Variants in DLK1 observed in about 807,000 individuals in gnomAD.
DLK1 encodes the protein delta like non-canonical Notch ligand 1.
DLK1 carries 9 observed loss-of-function variants against 35.2 expected under a neutral mutation model. The ratio of observed to expected loss-of-function variants is 0.26; its 90% CI spans 0.15 to 0.45. The LOEUF (loss-of-function observed/expected upper bound fraction) is 0.45, where lower values mean the gene tolerates loss of function less well. DLK1 is among the 20% of genes least tolerant of loss of function. DLK1 has a pLI of 1.00. For missense variants in DLK1, 522 were observed against 528.5 expected (o/e 0.99, Z 0.12); for synonymous variants, 231 against 228.4 (o/e 1.01, Z -0.10).
At position 100,735,052 on chromosome 14, in the gene DLK1, C is replaced by A; in HGVS notation, c.*156C>A. ...TCTTTGTGCTGCTGTGTGACAAACG[C>A]AATGCAAAAACAATCCTCTTTCTCT... is the stretch of plus-strand genomic sequence containing the variant. On this transcript the variant is annotated 3_prime_UTR_variant, in exon 5 of 5. Coordinates refer to ENST00000341267, the MANE Select transcript of DLK1 (RefSeq NM_003836.7). 2 of 952,728 alleles carry A rather than the reference C, an allele frequency of 2.1e-6. No individual in the cohort carries two copies. The highest frequency in any genetic ancestry group is 2.5e-5 in the South Asian group (1 of 39,724). The allele number at this position is 952,728 out of a possible 1,614,324, so 59.0% of individuals were successfully genotyped here.
rs1355523402 is a variant in DLK1, at chr14:100,737,243, CCATCT to C, written c.*2356_*2360del. The C allele has an allele frequency of 2.7e-5, 4 of 147,020 alleles. No individual in the cohort carries two copies. The highest frequency in any genetic ancestry group is 6.0e-5 in the Non-Finnish European group (4 of 67,092). The allele number at this position is 147,020 out of a possible 1,614,324, so 9.1% of individuals were successfully genotyped here. A position where few individuals can be genotyped will look rare whatever the true frequency, so the allele number is the denominator to read the frequency against. On this transcript the variant is annotated 3_prime_UTR_variant, in exon 5 of 5. Transcript: ENST00000341267. ...TCCCCACGAAGTCATTCATAAGTCA[CCATCT>C]CATCTCATTTTGAGTTTGTTTTAAG... is the stretch of plus-strand genomic sequence containing the variant.
chr14:100,735,200 G>A lies in DLK1; in HGVS notation c.*304G>A, dbSNP rs2036558460. 1 of 269,118 alleles carries A rather than the reference G, an allele frequency of 3.7e-6. No individual in the cohort carries two copies. The highest frequency in any genetic ancestry group is 6.8e-6 in the Non-Finnish European group (1 of 147,568). The allele number at this position is 269,118 out of a possible 1,614,324, so 16.7% of individuals were successfully genotyped here. On this transcript the variant is annotated 3_prime_UTR_variant, in exon 5 of 5. Transcript: ENST00000341267. Reference sequence around the variant, plus strand: ...TCAAAAAAGACCAAAAAAAAACAAGGCAACAGAACCAGGGCTCAGTGCCGA... The same window carrying A: ...TCAAAAAAGACCAAAAAAAAACAAGACAACAGAACCAGGGCTCAGTGCCGA...
chr14:100,732,183 G>A lies in DLK1; in HGVS notation c.404G>A (p.Gly135Asp). ...AAGGACGGGCCCTGTGTGATCAACG[G>A]GTAAATATCCTTCCTGTGTGTGATC... ...QKKDGPCVIN[G>D]SPCQHGGTCV... The change falls in exon 4 of 5, where the codon GGC becomes GAC. Residue 135 changes from glycine (G) to aspartate (D), a missense_variant and splice_region_variant. Physicochemically the swap from Gly to Asp is moderately conservative, Grantham distance 94. Coordinates refer to ENST00000341267, the MANE Select transcript of DLK1 (RefSeq NM_003836.7). The A allele has an allele frequency of 6.2e-7, 1 of 1,612,310 alleles. No homozygotes were observed. The highest frequency in any genetic ancestry group is 1.1e-5 in the South Asian group (1 of 90,742).
intron 4 of DLK1, among the ~76,000 whole-genome samples, chr14:100,733,170 A>G (rs1432798798): frequency 6.6e-6 from 1 of 152,182 alleles, no homozygotes; most frequent in Non-Finnish European, 1.5e-5. Flanking sequence ...AAACAGAGCG[A>G]GACCTTTAAA....
At position 100,733,493 on chromosome 14, in the gene DLK1, C is replaced by T. The variant is rs920062171; in HGVS notation, c.405-656C>T. ...TGGTACAGACGCTGGCTTGTGCCAC[C>T]GTAGACAGACCTCGTATTGCTTTCT... On this transcript the variant is annotated intron_variant, in intron 4 of 4. Transcript: ENST00000341267. Among the ~76,000 whole-genome samples the T allele has an allele frequency of 5.3e-5, 8 of 152,130 alleles. No individual in the cohort carries two copies. The East Asian group carries it at 5.8e-4, about 11-fold the overall frequency.
Position 100,734,312 on chromosome 14 carries a change from G to A in DLK1, c.568G>A (p.Gly190Ser). 1 of 1,613,288 alleles carries A rather than the reference G, an allele frequency of 6.2e-7. No homozygotes were observed. Residue 190 changes from glycine (G) to serine (S), a missense_variant, in exon 5 of 5, where the codon GGC (glycine) becomes AGC (serine). Gly to Ser is a moderately conservative substitution (Grantham distance 56, BLOSUM62 0). Transcript: ENST00000341267. The surrounding 1 kb of genome is among the most constrained non-coding windows in gnomAD (Gnocchi z 7.4). ...CGACGGCGTCTGCACTGACATTGGG[G>A]GCGACTTCCGCTGCCGGTGCCCAGC... ...ENDGVCTDIG[G>S]DFRCRCPAGF...
chr14:100,733,422 T>C (rs992386874), intron 4 of DLK1, among the ~76,000 whole-genome samples: 7 of 152,216 alleles, frequency 4.6e-5, no homozygotes, highest in South Asian at 4.1e-4. Flanking sequence ...CAAACAGCTT[T>C]GGTTTGCAAG....
At chr14:100,729,390 G>C (rs1031918273) in intron 3 of DLK1, among the ~76,000 whole-genome samples, 1 of 152,098 alleles carries the variant, frequency 6.6e-6, no homozygotes, top group African/African-American at 2.4e-5. Flanking sequence ...CAGACCCCAG[G>C]CTGCCTGTCC....
At position 100,728,845 on chromosome 14, in the gene DLK1, A is replaced by G. The variant is rs186162784; in HGVS notation, c.132-91A>G. 1.6e-5 allele frequency: 25 copies of G among 1,525,644 alleles called. No homozygotes were observed. In the Admixed American group the frequency reaches 3.3e-4, roughly 20 times the overall value. 94.5% of individuals were successfully genotyped at this position (1,525,644 alleles called of 1,614,324 possible). A position where few individuals can be genotyped will look rare whatever the true frequency, so the allele number is the denominator to read the frequency against. On this transcript the variant is annotated intron_variant, in intron 2 of 4. Transcript: ENST00000341267. ...GGCTGCCACTGTGCAAAGACCCCCAAGGGTCCTTGGTTCCACAGAAAGTAG... is the reference window on the plus strand; with the variant it reads ...GGCTGCCACTGTGCAAAGACCCCCAGGGGTCCTTGGTTCCACAGAAAGTAG...
chr14:100,733,690 G>T (rs1476255047), intron 4 of DLK1, among the ~76,000 whole-genome samples: 1 of 152,216 alleles, frequency 6.6e-6, no homozygotes, highest in Non-Finnish European at 1.5e-5. Flanking sequence ...TGCCCCAGCA[G>T]TCCAGGGATG....
At chr14:100,731,751 G>A (rs1263648234) in intron 3 of DLK1, among the ~76,000 whole-genome samples, 3 of 152,154 alleles carry the variant, frequency 2.0e-5, no homozygotes, top group African/African-American at 4.8e-5. Context: ...TGAACGTCAC[G>A]GACATGTCGC....
At chr14:100,728,761 C>A in intron 2 of DLK1, 175 bp from the exon 3 acceptor site, 1 of 946,092 alleles carries the variant, frequency 1.1e-6, no homozygotes, top group Non-Finnish European at 1.6e-6. Flanking sequence ...CTCAGCTTGG[C>A]ATGTTTTCTC....
intron 1 of DLK1, 30 bp from the exon 2 acceptor site, chr14:100,728,366 G>A (rs2036461526): frequency 5.0e-6 from 8 of 1,613,058 alleles, no homozygotes; most frequent in Middle Eastern, 1.7e-4. Flanking sequence ...GCCTGGTGGG[G>A]TGAATTGTAT....
Position 100,727,110 on chromosome 14 carries a change from G to A in DLK1, c.42G>A (p.Leu14=). 6.3e-7 allele frequency: 1 copy of A among 1,593,840 alleles called. No homozygotes were observed. Among genetic ancestry groups the A allele is most frequent in the Non-Finnish European group, 8.5e-7 (1 of 1,171,384 alleles). The change falls in exon 1 of 5, where the codon CTG becomes CTA. Residue 14 remains leucine, a synonymous_variant. Transcript: ENST00000341267. ...TEALLRVLLL[L]LAFGHSTYGA... is the part of the protein sequence containing the mutation. ...CCCTCCTGCGCGTCCTCTTGCTCCT[G>A]CTGGCTTTCGGCCACAGCACCTATG... is the stretch of plus-strand genomic sequence containing the variant.
At chr14:100,728,774 TAA>T in intron 2 of DLK1, 160 bp from the exon 3 acceptor site, 1 of 1,017,638 alleles carries the variant, frequency 9.8e-7, no homozygotes, top group Non-Finnish European at 1.4e-6. Flanking sequence ...GTTTTCTCTT[TAA>T]GTTTTCCCAT....
Position 100,734,311 on chromosome 14 carries a change from G to A in DLK1, c.567G>A (p.Gly189=). 6.2e-7 allele frequency: 1 copy of A among 1,613,316 alleles called. No homozygotes were observed. Among genetic ancestry groups the A allele is most frequent in the Non-Finnish European group, 8.5e-7 (1 of 1,179,984 alleles). ...ACGACGGCGTCTGCACTGACATTGG[G>A]GGCGACTTCCGCTGCCGGTGCCCAG... ...CENDGVCTDI[G]GDFRCRCPAG... Residue 189 remains glycine (G), a synonymous_variant, in exon 5 of 5, where the codon GGG becomes GGA. Transcript: ENST00000341267. This position sits in a 1 kb window ranked among gnomAD's most constrained non-coding sequence, Gnocchi z 7.4.
chr14:100,732,132 G>A lies in DLK1; in HGVS notation c.353G>A (p.Gly118Glu). 6.2e-7 allele frequency: 1 copy of A among 1,614,152 alleles called. No homozygotes were observed. The change falls in exon 4 of 5, where the codon GGG (glycine) becomes GAG (glutamate). Residue 118 changes from glycine to glutamate, a missense_variant. Physicochemically the swap from Gly to Glu is moderately conservative, Grantham distance 98. Transcript: ENST00000341267. Reference sequence around the variant, plus strand: ...CTCTATGAATGCTCCTGTGCCCCCGGGTACTCGGGAAAGGACTGCCAGAAA... The same window carrying A: ...CTCTATGAATGCTCCTGTGCCCCCGAGTACTCGGGAAAGGACTGCCAGAAA... ...DGLYECSCAPGYSGKDCQKKD... is the reference protein window; with the variant it reads ...DGLYECSCAPEYSGKDCQKKD...
chr14:100,735,656 C>A lies in DLK1; in HGVS notation c.*760C>A, dbSNP rs919220014. On this transcript the variant is annotated 3_prime_UTR_variant, in exon 5 of 5. Coordinates refer to ENST00000341267, the MANE Select transcript of DLK1 (RefSeq NM_003836.7). ...GGTATGAACCAAAACACTTCCTGAC[C>A]CCAACAATTGGGATCTGATGAAGAC... The A allele has an allele frequency of 2.6e-5, 4 of 152,160 alleles. No individual in the cohort carries two copies. Among genetic ancestry groups the A allele is most frequent in the African/African-American group, 9.7e-5 (4 of 41,426 alleles). The allele number at this position is 152,160 out of a possible 1,614,324, so 9.4% of individuals were successfully genotyped here.
At chr14:100,729,504 G>A (rs746074452) in intron 3 of DLK1, among the ~76,000 whole-genome samples, 5 of 151,988 alleles carry the variant, frequency 3.3e-5, no homozygotes, top group East Asian at 3.9e-4. Flanking sequence ...ACAAACAAAC[G>A]GGGTGGGGGG....
Sources: gnomAD v4.1 joint callset for allele counts (sites outside exome capture counted in the v4.1 genomes callset) on GRCh38, gnomAD v4.1.1 for gene constraint, Gnocchi (gnomAD v3.1) non-coding constraint, MANE v1.5 for transcripts, NCBI Gene and HGNC (gene_info 2026-07-23, HGNC 2026-07-21) for gene names.